Variants in KRTAP9-1 observed in about 807,000 individuals in gnomAD.
KRTAP9-1 encodes keratin associated protein 9-1, also known as keratin-associated protein 9-1.
In KRTAP9-1, 13 loss-of-function variants were observed where a neutral mutation model predicts 18.4. The ratio of observed to expected loss-of-function variants is 0.71; its 90% CI spans 0.46 to 1.12. The LOEUF (loss-of-function observed/expected upper bound fraction) is 1.12. Ranked by LOEUF, KRTAP9-1 falls within the 50% of genes most tolerant of loss-of-function variation. The pLI is 0.00. For missense variants in KRTAP9-1, 310 were observed against 310.6 expected (o/e 1.00, Z 0.01); for synonymous variants, 122 against 108.8 (o/e 1.12, Z -0.75).
chr17:41,189,962 C>T lies in KRTAP9-1; in HGVS notation c.76C>T (p.Pro26Ser), dbSNP rs528927882. The change falls in exon 1 of 1, where the codon CCC (proline) becomes TCC (serine). Residue 26 changes from proline to serine, a missense_variant. Coordinates refer to ENST00000398470, the MANE Select transcript of KRTAP9-1 (RefSeq NM_001190460.1). ...TTCCRTTCWK[P>S]TTVTTCSSTP... ...CTGCTGCAGGACAACCTGCTGGAAG[C>T]CCACCACTGTGACCACCTGCAGCAG... 42 of 1,612,986 alleles carry T rather than the reference C, an allele frequency of 2.6e-5. No individual in the cohort carries two copies. The African/African-American group carries it at 5.2e-4, about 20-fold the overall frequency.
rs144619580 is a variant in KRTAP9-1, at chr17:41,190,576, C to A, written c.303C>A (p.Cys101Ter). ...CCACCTGCTACAGGACCACCTGTTG[C>A]CGCCCCAGCTGTTGCTGCAGTCCTT... is the stretch of plus-strand genomic sequence containing the variant. The change falls in exon 3 of 3, where the codon TGC (cysteine) becomes TGA (stop). Residue 101 changes from cysteine (C) to a stop codon, truncating the protein, a stop_gained. Coordinates refer to the KRTAP9-1 transcript ENST00000634358. LOFTEE classifies it high-confidence loss of function. 1,940 of 1,609,906 alleles carry A rather than the reference C, an allele frequency of 1.2e-3. 26 individuals are homozygous for A. In the African/African-American group the frequency reaches 0.023, roughly 19 times the overall value.
chr17:41,190,561 C>T lies in KRTAP9-1; in HGVS notation c.675C>T (p.Tyr225=), dbSNP rs1425298162. Residue 225 remains tyrosine (Y), a synonymous_variant, in exon 1 of 1, where the codon TAC becomes TAT. Coordinates refer to ENST00000398470, the MANE Select transcript of KRTAP9-1 (RefSeq NM_001190460.1). ...CRPTCCQTTC[Y]RTTCCRPSCC... is the part of the protein sequence containing the mutation. ...CCACCTGCTGCCAGACCACCTGCTA[C>T]AGGACCACCTGTTGCCGCCCCAGCT... is the stretch of plus-strand genomic sequence containing the variant. 6.2e-7 allele frequency: 1 copy of T among 1,611,296 alleles called. No homozygotes were observed. The highest frequency in any genetic ancestry group is 8.5e-7 in the Non-Finnish European group (1 of 1,178,640).
rs762818743 is a variant in KRTAP9-1 at position 41,190,595 on chromosome 17, A to C, written c.709A>C (p.Ser237Arg). 17 of 1,605,292 alleles carry C rather than the reference A, an allele frequency of 1.1e-5. No homozygotes were observed. Among genetic ancestry groups the C allele is most frequent in the Non-Finnish European group, 1.4e-5 (16 of 1,175,948 alleles). ...TTCCRPSCCC[S>R]PCCVSSCCQP... ...CTGTTGCCGCCCCAGCTGTTGCTGC[A>C]GTCCTTGCTGTGTCTCCAGCTGCTG... The change falls in exon 1 of 1, where the codon AGT becomes CGT. Residue 237 changes from serine (S) to arginine (R), a missense_variant. Physicochemically the swap from Ser to Arg is moderately radical, Grantham distance 110. Coordinates refer to ENST00000398470, the MANE Select transcript of KRTAP9-1 (RefSeq NM_001190460.1).
Position 41,190,007 on chromosome 17 carries a change from T to C in KRTAP9-1, c.121T>C (p.Ser41Pro), listed in dbSNP as rs902342112. ...TCSSTPCCQP[S>P]CCVPSCCQPC... ...CAGCAGCACACCCTGTTGCCAGCCC[T>C]CCTGCTGTGTGCCCAGCTGCTGCCA... Residue 41 changes from serine (S) to proline (P), a missense_variant, in exon 1 of 1, where the codon TCC becomes CCC. Transcript: ENST00000398470. 1 of 1,611,588 alleles carries C rather than the reference T, an allele frequency of 6.2e-7. No individual in the cohort carries two copies. The highest frequency in any genetic ancestry group is 8.5e-7 in the Non-Finnish European group (1 of 1,179,396).
In KRTAP9-1 at chr17:41,190,147, G is replaced by A. The variant is rs951745915; in HGVS notation, c.261G>A (p.Gln87=). ...CCTGCTGCAGCACACCCTGCTGCCA[G>A]CCCACCTGCTGTGGGTCCAGCTGCT... ...QPSCCSTPCC[Q]PTCCGSSCCG... Residue 87 remains glutamine, a synonymous_variant, in exon 1 of 1, where the codon CAG becomes CAA. Coordinates refer to ENST00000398470, the MANE Select transcript of KRTAP9-1 (RefSeq NM_001190460.1). 1.9e-6 allele frequency: 3 copies of A among 1,560,132 alleles called. No homozygotes were observed. Among genetic ancestry groups the A allele is most frequent in the Non-Finnish European group, 1.7e-6 (2 of 1,152,882 alleles).
In KRTAP9-1 at chr17:41,190,535, C is replaced by T; in HGVS notation, c.649C>T (p.Pro217Ser). ...ESSYCLPCCRPTCCQTTCYRT... is the reference protein window; with the variant it reads ...ESSYCLPCCRSTCCQTTCYRT... The stretch of plus-strand genomic sequence containing the variant: ...CAGCTATTGTCTGCCTTGCTGCCGT[C>T]CCACCTGCTGCCAGACCACCTGCTA... Residue 217 changes from proline (P) to serine (S), a missense_variant, in exon 1 of 1, where the codon CCC becomes TCC. Around this residue, in one of 3 missense-constraint regions of KRTAP9-1, gnomAD observed 130 missense variants for 103.4 expected, o/e 1.26. Coordinates refer to ENST00000398470, the MANE Select transcript of KRTAP9-1 (RefSeq NM_001190460.1). 1.2e-6 allele frequency: 2 copies of T among 1,610,108 alleles called. No individual in the cohort carries two copies. The highest frequency in any genetic ancestry group is 1.7e-6 in the Non-Finnish European group (2 of 1,178,178).
Position 41,190,459 on chromosome 17 carries a change from C to G in KRTAP9-1, c.573C>G (p.Cys191Trp). 1.2e-6 allele frequency: 2 copies of G among 1,600,922 alleles called. No homozygotes were observed. Among genetic ancestry groups the G allele is most frequent in the Non-Finnish European group, 1.7e-6 (2 of 1,174,116 alleles). The change falls in exon 1 of 1, where the codon TGC becomes TGG. Residue 191 changes from cysteine (C) to tryptophan (W), a missense_variant. Around this residue, in one of 3 missense-constraint regions of KRTAP9-1, gnomAD observed 130 missense variants for 103.4 expected, o/e 1.26. Coordinates refer to ENST00000398470, the MANE Select transcript of KRTAP9-1 (RefSeq NM_001190460.1). ...CVTRCCSTPC[C>W]QPTCGGSSCC... ...CCAGATGCTGCAGCACACCCTGTTGCCAGCCAACCTGTGGTGGGTCCAGCT... is the reference window on the plus strand; with the variant it reads ...CCAGATGCTGCAGCACACCCTGTTGGCAGCCAACCTGTGGTGGGTCCAGCT...
At position 41,190,507 on chromosome 17, in the gene KRTAP9-1, G is replaced by T; in HGVS notation, c.621G>T (p.Glu207Asp). ...GSSCCSQTCN[E>D]SSYCLPCCRP... ...GCTGCTGTAGCCAAACCTGCAATGA[G>T]TCCAGCTATTGTCTGCCTTGCTGCC... is the stretch of plus-strand genomic sequence containing the variant. Residue 207 changes from glutamate (E) to aspartate (D), a missense_variant, in exon 1 of 1, where the codon GAG (glutamate) becomes GAT (aspartate). Around this residue, in one of 3 missense-constraint regions of KRTAP9-1, gnomAD observed 130 missense variants for 103.4 expected, o/e 1.26. Coordinates refer to ENST00000398470, the MANE Select transcript of KRTAP9-1 (RefSeq NM_001190460.1). The T allele has an allele frequency of 6.2e-7, 1 of 1,606,278 alleles. No individual in the cohort carries two copies. The highest frequency in any genetic ancestry group is 8.5e-7 in the Non-Finnish European group (1 of 1,176,200).
At position 41,190,626 on chromosome 17, in the gene KRTAP9-1, C is replaced by T; in HGVS notation, c.740C>T (p.Pro247Leu). The T allele has an allele frequency of 6.3e-7, 1 of 1,592,406 alleles. No homozygotes were observed. The highest frequency in any genetic ancestry group is 2.3e-5 in the East Asian group (1 of 44,190). ...TGCTGTGTCTCCAGCTGCTGCCAGC[C>T]TTCCTGCTGCTAATCCACTTGCTGC... is the stretch of plus-strand genomic sequence containing the variant. ...SPCCVSSCCQ[P>L]SCC Residue 247 changes from proline (P) to leucine (L), a missense_variant, in exon 1 of 1, where the codon CCT (proline) becomes CTT (leucine). Coordinates refer to ENST00000398470, the MANE Select transcript of KRTAP9-1 (RefSeq NM_001190460.1).
At position 41,190,050 on chromosome 17, in the gene KRTAP9-1, C is replaced by A. The variant is rs1347391427; in HGVS notation, c.164C>A (p.Thr55Asn). ...TGCTGCCAGCCTTGCTGCCACCCAACTTGCTGTCAAAACACCTGCTGCAGG... is the reference window on the plus strand; with the variant it reads ...TGCTGCCAGCCTTGCTGCCACCCAAATTGCTGTCAAAACACCTGCTGCAGG... ...PSCCQPCCHP[T>N]CCQNTCCRTT... The change falls in exon 1 of 1, where the codon ACT (threonine) becomes AAT (asparagine). Residue 55 changes from threonine (T) to asparagine (N), a missense_variant. Coordinates refer to ENST00000398470, the MANE Select transcript of KRTAP9-1 (RefSeq NM_001190460.1). 6.2e-7 allele frequency: 1 copy of A among 1,613,304 alleles called. No homozygotes were observed. Among genetic ancestry groups the A allele is most frequent in the South Asian group, 1.1e-5 (1 of 91,020 alleles).
chr17:41,190,416 G>A lies in KRTAP9-1; in HGVS notation c.530G>A (p.Cys177Tyr), dbSNP rs778208724. The A allele has an allele frequency of 5.5e-5, 87 of 1,589,208 alleles. No individual in the cohort carries two copies. In the South Asian group the frequency reaches 9.7e-4, roughly 18 times the overall value. Reference sequence around the variant, plus strand: ...CAAACCATTTGTAGATCCACCTGCTGCCAACCATCCTGTGTGACCAGATGC... The same window carrying A: ...CAAACCATTTGTAGATCCACCTGCTACCAACCATCCTGTGTGACCAGATGC... ...CCQTICRSTCCQPSCVTRCCS... is the reference protein window; with the variant it reads ...CCQTICRSTCYQPSCVTRCCS... Residue 177 changes from cysteine (C) to tyrosine (Y), a missense_variant, in exon 1 of 1, where the codon TGC becomes TAC. By Grantham distance (194) the Cys-to-Tyr change is radical. Around this residue, in one of 3 missense-constraint regions of KRTAP9-1, gnomAD observed 130 missense variants for 103.4 expected, o/e 1.26. Transcript: ENST00000398470.
In KRTAP9-1 at chr17:41,190,323, A is replaced by T; in HGVS notation, c.437A>T (p.Asn146Ile). Reference sequence around the variant, plus strand: ...TGCTGCCAGCCCACCTGCTGCAGGAACACCTCTTGCCAGCCCACCTGCTGT... The same window carrying T: ...TGCTGCCAGCCCACCTGCTGCAGGATCACCTCTTGCCAGCCCACCTGCTGT... The part of the protein sequence containing the change: ...PTCCQPTCCR[N>I]TSCQPTCCGS... Residue 146 changes from asparagine (N) to isoleucine (I), a missense_variant, in exon 1 of 1, where the codon AAC (asparagine) becomes ATC (isoleucine). Transcript: ENST00000398470. 1 of 1,260,594 alleles carries T rather than the reference A, an allele frequency of 7.9e-7. No homozygotes were observed. Among genetic ancestry groups the T allele is most frequent in the Non-Finnish European group, 1.0e-6 (1 of 979,336 alleles). 78.1% of individuals were successfully genotyped at this position (1,260,594 alleles called of 1,614,324 possible). A position where few individuals can be genotyped will look rare whatever the true frequency, so the allele number is the denominator to read the frequency against.
Position 41,190,444 on chromosome 17 carries a change from C to T in KRTAP9-1, c.558C>T (p.Cys186=). The T allele has an allele frequency of 1.2e-6, 2 of 1,605,842 alleles. No homozygotes were observed. The highest frequency in any genetic ancestry group is 1.7e-6 in the Non-Finnish European group (2 of 1,176,008). ...AACCATCCTGTGTGACCAGATGCTG[C>T]AGCACACCCTGTTGCCAGCCAACCT... ...CCQPSCVTRC[C]STPCCQPTCG... is the part of the protein sequence containing the mutation. The change falls in exon 1 of 1, where the codon TGC becomes TGT. Residue 186 remains cysteine, a synonymous_variant. Transcript: ENST00000398470.
rs567896276 is a variant in KRTAP9-1, at chr17:41,190,533, G to T, written c.647G>T (p.Arg216Leu). The T allele has an allele frequency of 1.9e-6, 3 of 1,609,228 alleles. No individual in the cohort carries two copies. The highest frequency in any genetic ancestry group is 2.5e-6 in the Non-Finnish European group (3 of 1,177,976). Reference sequence around the variant, plus strand: ...TCCAGCTATTGTCTGCCTTGCTGCCGTCCCACCTGCTGCCAGACCACCTGC... The same window carrying T: ...TCCAGCTATTGTCTGCCTTGCTGCCTTCCCACCTGCTGCCAGACCACCTGC... ...NESSYCLPCC[R>L]PTCCQTTCYR... is the part of the protein sequence containing the mutation. The change falls in exon 1 of 1, where the codon CGT becomes CTT. Residue 216 changes from arginine (R) to leucine (L), a missense_variant. Transcript: ENST00000398470.
Position 41,190,005 on chromosome 17 carries a change from C to T in KRTAP9-1, c.119C>T (p.Pro40Leu). Residue 40 changes from proline to leucine, a missense_variant, in exon 1 of 1, where the codon CCC becomes CTC. Physicochemically the swap from Pro to Leu is moderately conservative, Grantham distance 98 (BLOSUM62 -3). Around this residue, in one of 3 missense-constraint regions of KRTAP9-1, gnomAD observed 178 missense variants for 190.2 expected, o/e 0.94. Coordinates refer to ENST00000398470, the MANE Select transcript of KRTAP9-1 (RefSeq NM_001190460.1). ...TGCAGCAGCACACCCTGTTGCCAGC[C>T]CTCCTGCTGTGTGCCCAGCTGCTGC... is the stretch of plus-strand genomic sequence containing the variant. ...TTCSSTPCCQ[P>L]SCCVPSCCQP... 1.2e-6 allele frequency: 2 copies of T among 1,613,772 alleles called. No individual in the cohort carries two copies. Among genetic ancestry groups the T allele is most frequent in the Non-Finnish European group, 1.7e-6 (2 of 1,180,012 alleles).
At position 41,190,011 on chromosome 17, in the gene KRTAP9-1, G is replaced by A; in HGVS notation, c.125G>A (p.Cys42Tyr). 1 of 1,613,818 alleles carries A rather than the reference G, an allele frequency of 6.2e-7. No homozygotes were observed. The highest frequency in any genetic ancestry group is 8.5e-7 in the Non-Finnish European group (1 of 1,180,004). The change falls in exon 1 of 1, where the codon TGC becomes TAC. Residue 42 changes from cysteine to tyrosine, a missense_variant. This residue lies in a region of KRTAP9-1 where 178 missense variants were observed against 190.2 expected (regional missense o/e 0.94). Coordinates refer to ENST00000398470, the MANE Select transcript of KRTAP9-1 (RefSeq NM_001190460.1). The part of the protein sequence containing the change: ...CSSTPCCQPS[C>Y]CVPSCCQPCC... Reference sequence around the variant, plus strand: ...AGCACACCCTGTTGCCAGCCCTCCTGCTGTGTGCCCAGCTGCTGCCAGCCT... The same window carrying A: ...AGCACACCCTGTTGCCAGCCCTCCTACTGTGTGCCCAGCTGCTGCCAGCCT...
Position 41,190,292 on chromosome 17 carries a change from C to G in KRTAP9-1, c.406C>G (p.Pro136Ala). ...CTGCTTCAGGACCACCTGCTGCCAG[C>G]CTACCTGCTGCCAGCCCACCTGCTG... ...TICFRTTCCQ[P>A]TCCQPTCCRN... Residue 136 changes from proline (P) to alanine (A), a missense_variant, in exon 1 of 1, where the codon CCT becomes GCT. Physicochemically the swap from Pro to Ala is conservative, Grantham distance 27. Transcript: ENST00000398470. The G allele has an allele frequency of 7.3e-7, 1 of 1,374,640 alleles. No homozygotes were observed. Among genetic ancestry groups the G allele is most frequent in the Non-Finnish European group, 9.6e-7 (1 of 1,042,280 alleles). 85.2% of individuals were successfully genotyped at this position (1,374,640 alleles called of 1,614,324 possible).
chr17:41,190,421 C>A lies in KRTAP9-1; in HGVS notation c.535C>A (p.Pro179Thr). ...QTICRSTCCQ[P>T]SCVTRCCSTP... ...CATTTGTAGATCCACCTGCTGCCAA[C>A]CATCCTGTGTGACCAGATGCTGCAG... Residue 179 changes from proline to threonine, a missense_variant, in exon 1 of 1, where the codon CCA (proline) becomes ACA (threonine). By Grantham distance (38) the Pro-to-Thr change is conservative. Transcript: ENST00000398470. 1 of 1,557,766 alleles carries A rather than the reference C, an allele frequency of 6.4e-7. No homozygotes were observed. The highest frequency in any genetic ancestry group is 8.7e-7 in the Non-Finnish European group (1 of 1,153,598).
Sources: allele counts gnomAD v4.1 joint callset, GRCh38; gene constraint gnomAD v4.1.1; regional missense constraint gnomAD v4.1.1; transcripts MANE v1.5; gene names NCBI Gene and HGNC (gene_info 2026-07-23, HGNC 2026-07-21).